Variants in EMP2 observed in about 807,000 individuals in gnomAD.
The protein encoded by EMP2 is epithelial membrane protein 2.
A neutral mutation model predicts 13.7 loss-of-function variants in EMP2; 19 were observed. The observed-to-expected ratio is 1.38, with a 90% confidence interval of 0.97 to 2.03. EMP2 has a LOEUF of 2.03. Ranked by LOEUF, EMP2 falls within the 30% of genes most tolerant of loss-of-function variation. The probability of loss-of-function intolerance (pLI) is 0.00; values close to 1 mark genes in which losing one functional copy is unlikely to be tolerated. For missense variants in EMP2, 253 were observed against 220.7 expected (o/e 1.15, Z -0.93); for synonymous variants, 97 against 84.7 (o/e 1.15, Z -0.80).
At chr16:10,565,774 AC>A (rs147669788) in intron 1 of EMP2, among the ~76,000 whole-genome samples, 54 of 152,296 alleles carry the variant, frequency 3.5e-4, no homozygotes, top group Middle Eastern at 3.4e-3. Context: ...CACCATGGGA[AC>A]CCATTCCGAT....
chr16:10,549,721 A>G (rs894833368), intron 1 of EMP2, among the ~76,000 whole-genome samples: 93 of 49,616 alleles, frequency 1.9e-3, no homozygotes, highest in African/African-American at 7.6e-3. Context: ...GCACGCACAC[A>G]CACACACTCA....
chr16:10,540,840 A>C (rs2050689918), intron 3 of EMP2, among the ~76,000 whole-genome samples: 1 of 152,176 alleles, frequency 6.6e-6, no homozygotes, highest in Non-Finnish European at 1.5e-5. Context: ...ATGGTTTGGG[A>C]GGCCACAGTG....
intron 1 of EMP2, among the ~76,000 whole-genome samples, chr16:10,562,629 A>C (rs1415937339): frequency 6.6e-6 from 1 of 152,106 alleles, no homozygotes; most frequent in African/African-American, 2.4e-5. Flanking sequence ...ATCATGAACA[A>C]AATCAGTGTT....
chr16:10,560,368 G>A (rs1019313509), intron 1 of EMP2, among the ~76,000 whole-genome samples: 16 of 152,132 alleles, frequency 1.1e-4, no homozygotes, highest in Non-Finnish European at 2.4e-4. Context: ...GTCAGTGAGG[G>A]GACAGTCCTG....
intron 4 of EMP2, among the ~76,000 whole-genome samples, chr16:10,536,959 T>G (rs2050651622): frequency 6.6e-6 from 1 of 152,264 alleles, no homozygotes; most frequent in East Asian, 1.9e-4. Flanking sequence ...AAGTTGTCAC[T>G]GCACTGCACT....
Position 10,529,722 on chromosome 16 carries a change from G to A in EMP2, c.*3183C>T, listed in dbSNP as rs1319042419. The A allele has an allele frequency of 2.0e-5, 3 of 152,020 alleles. No individual in the cohort carries two copies. Among genetic ancestry groups the A allele is most frequent in the Non-Finnish European group, 4.4e-5 (3 of 68,048 alleles). 9.4% of individuals were successfully genotyped at this position (152,020 alleles called of 1,614,324 possible). A position where few individuals can be genotyped will look rare whatever the true frequency, so the allele number is the denominator to read the frequency against. Reference sequence around the variant, plus strand: ...GAGGTGGGCGGATCACCTGAGGTTGGGAGTTCGAAACCAGCCTGACCAACA... The same window carrying A: ...GAGGTGGGCGGATCACCTGAGGTTGAGAGTTCGAAACCAGCCTGACCAACA... On this transcript the variant is annotated 3_prime_UTR_variant, in exon 5 of 5. Coordinates refer to ENST00000359543, the MANE Select transcript of EMP2 (RefSeq NM_001424.6).
rs935052463 is a variant in EMP2, at chr16:10,531,900, G to T, written c.*1005C>A. On this transcript the variant is annotated 3_prime_UTR_variant, in exon 5 of 5. Coordinates refer to ENST00000359543, the MANE Select transcript of EMP2 (RefSeq NM_001424.6). The stretch of plus-strand genomic sequence containing the variant: ...CCTTCTGGGATAAGATGGGAAGGAG[G>T]CTGTACCCCACACCCTGAAGGTGTC... The T allele has an allele frequency of 2.1e-4, 32 of 154,836 alleles. No homozygotes were observed. Among genetic ancestry groups the T allele is most frequent in the Non-Finnish European group, 3.2e-4 (22 of 68,266 alleles). 9.6% of individuals were successfully genotyped at this position (154,836 alleles called of 1,614,324 possible).
intron 4 of EMP2, among the ~76,000 whole-genome samples, chr16:10,533,586 G>A (rs2050625226): frequency 6.6e-6 from 1 of 152,106 alleles, no homozygotes; most frequent in African/African-American, 2.4e-5. Context: ...TGTGGGCCAT[G>A]GTCACACAAG....
At chr16:10,576,067 T>G (rs1347756453) in intron 1 of EMP2, among the ~76,000 whole-genome samples, 5 of 152,112 alleles carry the variant, frequency 3.3e-5, no homozygotes, top group Non-Finnish European at 7.4e-5. Flanking sequence ...TTAACTAAAT[T>G]CTTTGAGTAT....
intron 1 of EMP2, among the ~76,000 whole-genome samples, chr16:10,562,368 C>CTCTCTCTA (rs2050877912): frequency 6.8e-6 from 1 of 146,074 alleles, no homozygotes; most frequent in African/African-American, 2.6e-5. Flanking sequence ...CTCTCTCTCT[C>CTCTCTCTA]TCTCTCTCTC....
intron 1 of EMP2, chr16:10,559,122 T>TCACCCAGGCCACCCTGCAAGGA (rs2050854567): frequency 6.6e-6 from 1 of 152,378 alleles, no homozygotes; most frequent in Non-Finnish European, 1.5e-5. Context: ...TGGTGAGCAG[T>TCACCCAGGCCACCCTGCAAGGA]CACCCAGGCC....
intron 1 of EMP2, among the ~76,000 whole-genome samples, chr16:10,553,009 A>G (rs191163296): frequency 1.6e-3 from 238 of 152,366 alleles, no homozygotes; most frequent in African/African-American, 5.3e-3. Flanking sequence ...AAGGTCTCCT[A>G]TGACATCTGG....
chr16:10,571,921 C>T (rs779412449), intron 1 of EMP2, among the ~76,000 whole-genome samples: 2 of 152,200 alleles, frequency 1.3e-5, no homozygotes, highest in Admixed American at 6.5e-5. Context: ...CCACTGCTGT[C>T]AGCCTCTCCT....
At chr16:10,538,120 C>T (rs369054123) in intron 3 of EMP2, 46 bp from the exon 4 acceptor site, 12 of 1,604,426 alleles carry the variant, frequency 7.5e-6, no homozygotes, top group African/African-American at 2.7e-5. Flanking sequence ...CTTGGCCAGC[C>T]GGCACTGTGG....
Position 10,568,037 on chromosome 16 carries a change from T to C in EMP2, c.-61+12512A>G, listed in dbSNP as rs73503898. Among the ~76,000 whole-genome samples the C allele has an allele frequency of 6.0e-3, 921 of 152,264 alleles. 8 individuals carry two copies. The highest frequency in any genetic ancestry group is 0.021 in the African/African-American group (874 of 41,554). ...TCTTGCCTCAGGAAGCCCAGAGCTATAGAATAAAGGAAGACAGACACAGAA... is the reference window on the plus strand; with the variant it reads ...TCTTGCCTCAGGAAGCCCAGAGCTACAGAATAAAGGAAGACAGACACAGAA... On this transcript the variant is annotated intron_variant, in intron 1 of 4. Coordinates refer to ENST00000359543, the MANE Select transcript of EMP2 (RefSeq NM_001424.6).
intron 3 of EMP2, among the ~76,000 whole-genome samples, chr16:10,543,352 G>C (rs2050715233): frequency 6.6e-6 from 1 of 152,274 alleles, no homozygotes. Flanking sequence ...AACTTAGCTG[G>C]AGTTGGTCTC....
intron 4 of EMP2, 74 bp from the exon 5 acceptor site, chr16:10,533,166 C>A: frequency 7.8e-7 from 1 of 1,276,620 alleles, no homozygotes; most frequent in Non-Finnish European, 1.0e-6. Flanking sequence ...GGGCATACGG[C>A]CAGAGTTGAA....
At chr16:10,553,323 C>T (rs548702820) in intron 1 of EMP2, among the ~76,000 whole-genome samples, 1 of 152,362 alleles carries the variant, frequency 6.6e-6, no homozygotes, top group South Asian at 2.1e-4. Flanking sequence ...ACTTATTCTT[C>T]ACTCCACGTT....
rs2050594902 is a variant in EMP2, at chr16:10,530,968, C to T, written c.*1937G>A. On this transcript the variant is annotated 3_prime_UTR_variant, in exon 5 of 5. Coordinates refer to ENST00000359543, the MANE Select transcript of EMP2 (RefSeq NM_001424.6). ...AGCCTCCCTACCATGCCACAGGCCT[C>T]GATTTTGAATCGTTTTATTTTTGAG... The T allele has an allele frequency of 1.3e-5, 2 of 152,154 alleles. No individual in the cohort carries two copies. The highest frequency in any genetic ancestry group is 2.4e-5 in the African/African-American group (1 of 41,436). 9.4% of individuals were successfully genotyped at this position (152,154 alleles called of 1,614,324 possible). A position where few individuals can be genotyped will look rare whatever the true frequency, so the allele number is the denominator to read the frequency against.
Sources: allele counts gnomAD v4.1 joint callset (sites outside exome capture counted in the v4.1 genomes callset), GRCh38; gene constraint gnomAD v4.1.1; transcripts MANE v1.5; gene names NCBI Gene and HGNC (gene_info 2026-07-23, HGNC 2026-07-21).